Variants in RSRC1 observed in about 807,000 individuals in gnomAD.
RSRC1 encodes the protein serine/Arginine-related protein 53.
A neutral mutation model predicts 49.1 loss-of-function variants in RSRC1; 39 were observed. The ratio of observed to expected loss-of-function variants is 0.79; its 90% CI spans 0.61 to 1.04. The LOEUF (loss-of-function observed/expected upper bound fraction) is 1.04. Among genes scored for constraint, RSRC1 ranks in the 50% least tolerant of loss-of-function variants. RSRC1 has a pLI of 0.00. For synonymous variants in RSRC1, 143 were observed against 130.8 expected (o/e 1.09, Z -0.63); for missense variants, 388 against 402.4 (o/e 0.96, Z 0.31).
At chr3:158,261,980 T>C (rs1724920616) in intron 4 of RSRC1, among the ~76,000 whole-genome samples, 1 of 152,228 alleles carries the variant, frequency 6.6e-6, no homozygotes, top group African/African-American at 2.4e-5. Flanking sequence ...ACACCTGCCC[T>C]CTGCACCACC....
At chr3:158,275,819 C>T (rs76602154) in intron 4 of RSRC1, 7 of 500,464 alleles carry the variant, frequency 1.4e-5, no homozygotes, top group Non-Finnish European at 2.5e-5. Context: ...TTAGTGATAA[C>T]AGTGGAGCTG....
At chr3:158,508,284 C>T (rs563769850) in intron 7 of RSRC1, among the ~76,000 whole-genome samples, 1 of 152,108 alleles carries the variant, frequency 6.6e-6, no homozygotes, top group Non-Finnish European at 1.5e-5. Context: ...TTCTGTTATT[C>T]GTTTTCCTTT....
rs77689468 is a variant in RSRC1 at position 158,119,101 on chromosome 3, G to A, written c.-2-3002G>A. ...AAACGTTCTCTCCTCTGAGGATTGG[G>A]GAAGAGTATCACCTGGCTGGGTAGA... On this transcript the variant is annotated intron_variant, in intron 1 of 9. Transcript: ENST00000611884. Among the ~76,000 whole-genome samples the A allele has an allele frequency of 1.4e-3, 211 of 152,236 alleles. 2 individuals are homozygous for A. The highest frequency in any genetic ancestry group is 4.0e-3 in the African/African-American group (167 of 41,526).
At chr3:158,538,526 C>A (rs956932446) in intron 8 of RSRC1, among the ~76,000 whole-genome samples, 5 of 151,630 alleles carry the variant, frequency 3.3e-5, no homozygotes, top group African/African-American at 1.2e-4. Context: ...TGAAGTTTAC[C>A]CTGACATCCC....
At chr3:158,375,957 G>A (rs76887711) in intron 6 of RSRC1, among the ~76,000 whole-genome samples, 2,872 of 151,894 alleles carry the variant, frequency 0.019, 72 homozygotes, top group African/African-American at 0.066. Flanking sequence ...TCTCAATTGC[G>A]TTTGCCAATC....
intron 3 of RSRC1, among the ~76,000 whole-genome samples, chr3:158,166,301 CAT>C (rs1559926321): frequency 6.6e-6 from 1 of 152,002 alleles, no homozygotes; most frequent in Non-Finnish European, 1.5e-5. Flanking sequence ...GTTTTTTAAT[CAT>C]ATGATATCAG....
intron 3 of RSRC1, chr3:158,136,969 T>A (rs1222069171): frequency 6.6e-6 from 1 of 152,178 alleles, no homozygotes; most frequent in Non-Finnish European, 1.5e-5. Context: ...GTTAAATAAA[T>A]GTGTGTTTCT....
chr3:158,462,602 A>G (rs1230642844), intron 7 of RSRC1, among the ~76,000 whole-genome samples: 1 of 152,014 alleles, frequency 6.6e-6, no homozygotes, highest in Non-Finnish European at 1.5e-5. Flanking sequence ...GAAAAAAATA[A>G]TATGAATGCT....
chr3:158,489,611 G>A (rs1309634047), intron 7 of RSRC1, among the ~76,000 whole-genome samples: 1 of 151,638 alleles, frequency 6.6e-6, no homozygotes, highest in Non-Finnish European at 1.5e-5. Context: ...AAAAAACATG[G>A]GTAGTATTTC....
chr3:158,143,740 A>T (rs939593678), intron 3 of RSRC1, among the ~76,000 whole-genome samples: 1 of 152,220 alleles, frequency 6.6e-6, no homozygotes, highest in African/African-American at 2.4e-5. Flanking sequence ...ATAAAGCAGG[A>T]AGGAAGCTGG....
At chr3:158,244,481 G>A (rs1312052965) in intron 4 of RSRC1, among the ~76,000 whole-genome samples, 5 of 152,112 alleles carry the variant, frequency 3.3e-5, no homozygotes, top group East Asian at 1.9e-4. Flanking sequence ...CTGCTTGATC[G>A]TGGTGGATAA....
chr3:158,233,060 C>T (rs753295172), intron 4 of RSRC1, among the ~76,000 whole-genome samples: 3 of 152,004 alleles, frequency 2.0e-5, no homozygotes, highest in African/African-American at 7.2e-5. Flanking sequence ...AATTGTGACC[C>T]TCTCATTCTT....
At chr3:158,543,565 T>G in intron 9 of RSRC1, 78 bp downstream of exon 9, 1 of 1,423,602 alleles carries the variant, frequency 7.0e-7, no homozygotes, top group South Asian at 1.4e-5. Flanking sequence ...CCTTTTGTGC[T>G]AACACCAAGG....
At chr3:158,202,964 G>A in intron 3 of RSRC1, 108 bp from the exon 4 acceptor site, 1 of 774,132 alleles carries the variant, frequency 1.3e-6, no homozygotes. Flanking sequence ...TTATTTCTGA[G>A]TCCACAACTA....
chr3:158,455,998 AAAAAAAAAAAAAAAAAGG>A (rs1305158140), intron 6 of RSRC1, among the ~76,000 whole-genome samples: 1 of 124,548 alleles, frequency 8.0e-6, no homozygotes, highest in African/African-American at 4.8e-5. Flanking sequence ...AAAAAAAAAA[AAAAAAAAAAAAAAAAAGG>A]AGCAACACAA....
At chr3:158,127,099 G>T (rs1235773888) in intron 3 of RSRC1, among the ~76,000 whole-genome samples, 1 of 152,002 alleles carries the variant, frequency 6.6e-6, no homozygotes, top group Admixed American at 6.6e-5. Context: ...ATGTGTCTAT[G>T]TGGGCCTCTT....
intron 6 of RSRC1, among the ~76,000 whole-genome samples, chr3:158,442,843 T>A (rs115113950): frequency 0.022 from 3,381 of 152,238 alleles, 54 homozygotes; most frequent in Non-Finnish European, 0.036. Flanking sequence ...TGGAAGTCAA[T>A]TTTTCTGTGA....
intron 8 of RSRC1, among the ~76,000 whole-genome samples, chr3:158,538,347 T>C (rs780059544): frequency 5.3e-5 from 8 of 151,924 alleles, no homozygotes; most frequent in Non-Finnish European, 1.2e-4. Flanking sequence ...TTTGAACTTT[T>C]GATAGTTTGC....
chr3:158,221,933 C>T (rs748228009), intron 4 of RSRC1, among the ~76,000 whole-genome samples: 1 of 151,418 alleles, frequency 6.6e-6, no homozygotes, highest in Non-Finnish European at 1.5e-5. Context: ...CCAACATTTT[C>T]AGTATTTGGC....
Sources: allele counts gnomAD v4.1 joint callset (sites outside exome capture counted in the v4.1 genomes callset), GRCh38; gene constraint gnomAD v4.1.1; transcripts MANE v1.5; gene names NCBI Gene and HGNC (gene_info 2026-07-23, HGNC 2026-07-21).